The following LARGE1 variants were observed in gnomAD, a reference collection of about 807,000 sequenced individuals.
LARGE1 encodes the protein LARGE xylosyl- and glucuronyltransferase 1, also known as xylosyl- and glucuronyltransferase LARGE1.
LARGE1 carries 43 observed loss-of-function variants against 87.6 expected under a neutral mutation model. That is an observed-to-expected ratio of 0.49 (90% CI 0.38 to 0.63). LARGE1 has a LOEUF of 0.63. Among genes scored for constraint, LARGE1 ranks in the 30% least tolerant of loss-of-function variants. The probability of loss-of-function intolerance (pLI) is 0.00; values close to 1 mark genes in which losing one functional copy is unlikely to be tolerated. For missense variants in LARGE1, 802 were observed against 1,000.2 expected (o/e 0.80, Z 2.67); for synonymous variants, 434 against 394.6 (o/e 1.10, Z -1.18).
intron 10 of LARGE1, among the ~76,000 whole-genome samples, chr22:33,325,382 G>A (rs1937150564): frequency 6.6e-6 from 1 of 152,242 alleles, no homozygotes; most frequent in Admixed American, 6.5e-5. Context: ...GCACCACTCT[G>A]AAGCCTTGCT....
intron 2 of LARGE1, among the ~76,000 whole-genome samples, chr22:33,756,689 G>C (rs1175929505): frequency 6.6e-6 from 1 of 152,210 alleles, no homozygotes; most frequent in East Asian, 1.9e-4. Flanking sequence ...TGGGGATTAG[G>C]GGATGGGCCA....
intron 11 of LARGE1, among the ~76,000 whole-genome samples, chr22:33,244,924 T>C (rs1389557197): frequency 1.3e-5 from 2 of 152,094 alleles, no homozygotes; most frequent in Admixed American, 6.5e-5. Flanking sequence ...CAAGTCTTCA[T>C]ACAAGTGGAC....
At chr22:33,548,102 G>A (rs532521256) in intron 6 of LARGE1, among the ~76,000 whole-genome samples, 2 of 152,304 alleles carry the variant, frequency 1.3e-5, no homozygotes, top group Non-Finnish European at 2.9e-5. Context: ...CCCAGCGTTG[G>A]AGGTAGGGCC....
At chr22:33,433,053 G>A (rs2067139514) in intron 6 of LARGE1, among the ~76,000 whole-genome samples, 1 of 152,140 alleles carries the variant, frequency 6.6e-6, no homozygotes, top group Non-Finnish European at 1.5e-5. Context: ...CTTCACATCT[G>A]ATCCACCTGG....
intron 5 of LARGE1, among the ~76,000 whole-genome samples, chr22:33,568,870 G>C (rs1378046000): frequency 6.6e-6 from 1 of 151,972 alleles, no homozygotes; most frequent in African/African-American, 2.4e-5. Context: ...ATGGATGGAT[G>C]GATGGATGGA....
chr22:33,844,706 G>A (rs919435558), intron 1 of LARGE1, among the ~76,000 whole-genome samples: 1 of 151,850 alleles, frequency 6.6e-6, no homozygotes, highest in Non-Finnish European at 1.5e-5. Flanking sequence ...TATAAAATAA[G>A]AGTGTGGTTT....
At chr22:33,302,744 A>G (rs1176889924) in intron 12 of LARGE1, among the ~76,000 whole-genome samples, 1 of 152,090 alleles carries the variant, frequency 6.6e-6, no homozygotes, top group Non-Finnish European at 1.5e-5. Flanking sequence ...CAGAAACCCC[A>G]GCGCAGCCCA....
At chr22:33,384,169 C>CA in intron 8 of LARGE1, 23 bp downstream of exon 8, 1 of 1,519,808 alleles carries the variant, frequency 6.6e-7, no homozygotes, top group South Asian at 1.1e-5. Context: ...GGAATAGCTG[C>CA]ACCTTCGAAC....
intron 1 of LARGE1, among the ~76,000 whole-genome samples, chr22:33,768,316 C>A (rs928716326): frequency 4.6e-5 from 7 of 152,170 alleles, no homozygotes; most frequent in Admixed American, 3.3e-4. Flanking sequence ...GAAAAAAAAA[C>A]CAAGTCCTAT....
intron 6 of LARGE1, among the ~76,000 whole-genome samples, chr22:33,556,711 G>GA (rs60477218): frequency 0.041 from 5,869 of 143,258 alleles, 253 homozygotes; most frequent in African/African-American, 0.11. Flanking sequence ...TGAAGAACAA[G>GA]AAAAAAAAAA....
At chr22:33,465,610 CCATAA>C (rs1457989839) in intron 6 of LARGE1, among the ~76,000 whole-genome samples, 2 of 152,176 alleles carry the variant, frequency 1.3e-5, no homozygotes, top group Non-Finnish European at 2.9e-5. Context: ...GGTGCCAGTA[CCATAA>C]GGCGTTCTTT....
At chr22:33,864,475 C>G (rs2064027235) in intron 1 of LARGE1, among the ~76,000 whole-genome samples, 1 of 152,100 alleles carries the variant, frequency 6.6e-6, no homozygotes, top group South Asian at 2.1e-4. Context: ...GTGCAGGTGG[C>G]CTTGGAGTGG....
intron 6 of LARGE1, among the ~76,000 whole-genome samples, chr22:33,507,411 T>C (rs138012533): frequency 9.3e-4 from 142 of 152,110 alleles, no homozygotes; most frequent in African/African-American, 3.4e-3. Flanking sequence ...AACTTGAAGA[T>C]ATCATGCTAA....
At chr22:33,371,857 G>T (rs1415128255) in intron 9 of LARGE1, among the ~76,000 whole-genome samples, 1 of 151,974 alleles carries the variant, frequency 6.6e-6, no homozygotes, top group African/African-American at 2.4e-5. Context: ...GGTGGCGGGC[G>T]CCTGTAGTCC....
At chr22:33,694,474 T>A (rs751571684) in intron 2 of LARGE1, among the ~76,000 whole-genome samples, 3 of 152,222 alleles carry the variant, frequency 2.0e-5, no homozygotes, top group Non-Finnish European at 4.4e-5. Context: ...GTTGGTTGAA[T>A]CATTGTGCGC....
chr22:33,079,221 C>A, the LARGE1 span, among the ~76,000 whole-genome samples: 3 of 85,776 alleles, frequency 3.5e-5, no homozygotes, highest in Admixed American at 1.4e-4. Flanking sequence ...AGTTATCATT[C>A]TTTTTTTTTT....
chr22:33,245,054 A>T (rs1421442979), intron 11 of LARGE1, among the ~76,000 whole-genome samples: 1 of 152,258 alleles, frequency 6.6e-6, no homozygotes, highest in African/African-American at 2.4e-5. Flanking sequence ...CCAGCCATTT[A>T]GTCCATCCCT....
At chr22:33,861,793 A>G (rs1039815442) in intron 1 of LARGE1, among the ~76,000 whole-genome samples, 1 of 151,736 alleles carries the variant, frequency 6.6e-6, no homozygotes, top group East Asian at 1.9e-4. Flanking sequence ...GCCCTAGAAA[A>G]GGGCAGGGAA....
At chr22:33,435,374 G>A (rs2067231086) in intron 6 of LARGE1, among the ~76,000 whole-genome samples, 1 of 152,138 alleles carries the variant, frequency 6.6e-6, no homozygotes, top group Admixed American at 6.5e-5. Flanking sequence ...GGCACCCACA[G>A]ACCTCATTTA....
Sources: gnomAD v4.1 joint callset for allele counts (sites outside exome capture counted in the v4.1 genomes callset) on GRCh38, gnomAD v4.1.1 for gene constraint, MANE v1.5 for transcripts, NCBI Gene and HGNC (gene_info 2026-07-23, HGNC 2026-07-21) for gene names.